Variants in STX8 observed in about 807,000 individuals in gnomAD.
The protein encoded by STX8 is syntaxin 8.
Under a neutral mutation model 37.5 loss-of-function variants are expected in STX8, and 23 were observed. That is an observed-to-expected ratio of 0.61 (90% confidence interval 0.44 to 0.87). The LOEUF (loss-of-function observed/expected upper bound fraction) is 0.87. STX8 is among the 40% of genes least tolerant of loss of function. STX8 has a pLI of 0.00. For synonymous variants in STX8, 115 were observed against 99.1 expected (o/e 1.16, Z -0.95); for missense variants, 313 against 284.7 (o/e 1.10, Z -0.71).
chr17:9,280,081 C>T (rs1255997941), intron 7 of STX8, among the ~76,000 whole-genome samples: 3 of 152,036 alleles, frequency 2.0e-5, no homozygotes, highest in Non-Finnish European at 2.9e-5. Context: ...ATCAGCCAGG[C>T]GTGGTGGTGC....
chr17:9,322,401 G>A (rs1288437817), intron 7 of STX8, among the ~76,000 whole-genome samples: 1 of 152,228 alleles, frequency 6.6e-6, no homozygotes, highest in Non-Finnish European at 1.5e-5. Context: ...GAATGAAAGA[G>A]GAGCTGTCAC....
intron 7 of STX8, among the ~76,000 whole-genome samples, chr17:9,351,210 C>T (rs1910697645): frequency 8.7e-6 from 1 of 115,174 alleles, no homozygotes; most frequent in Non-Finnish European, 1.6e-5. Flanking sequence ...GAGACGGAGT[C>T]TCACACTGTC....
At chr17:9,411,455 T>C (rs1912975802) in intron 6 of STX8, among the ~76,000 whole-genome samples, 1 of 152,232 alleles carries the variant, frequency 6.6e-6, no homozygotes, top group African/African-American at 2.4e-5. Context: ...ACGAATGTTC[T>C]CAACACCAGG....
At chr17:9,418,359 A>G (rs1326932873) in intron 6 of STX8, among the ~76,000 whole-genome samples, 1 of 152,138 alleles carries the variant, frequency 6.6e-6, no homozygotes, top group Non-Finnish European at 1.5e-5. Flanking sequence ...AGGCAGTGAA[A>G]GTCGAAAACT....
intron 5 of STX8, among the ~76,000 whole-genome samples, chr17:9,500,355 C>T (rs1364464328): frequency 6.6e-6 from 1 of 152,150 alleles, no homozygotes; most frequent in Non-Finnish European, 1.5e-5. Context: ...CCCTGAGAGA[C>T]GGGAAACAAA....
intron 7 of STX8, among the ~76,000 whole-genome samples, chr17:9,326,125 T>C (rs887403964): frequency 6.9e-6 from 1 of 145,024 alleles, no homozygotes; most frequent in Non-Finnish European, 1.5e-5. Flanking sequence ...TTCTTCCCTG[T>C]TTCCTTTTTT....
intron 7 of STX8, among the ~76,000 whole-genome samples, chr17:9,312,014 A>AT (rs1909208832): frequency 6.6e-6 from 1 of 150,720 alleles, no homozygotes; most frequent in Non-Finnish European, 1.5e-5. Context: ...TGCCCAGCTA[A>AT]TTTTTTGTAT....
At chr17:9,550,901 C>G (rs2151913662) in intron 3 of STX8, among the ~76,000 whole-genome samples, 1 of 152,226 alleles carries the variant, frequency 6.6e-6, no homozygotes. Context: ...ATGGCAAAAC[C>G]CCATCTCTAC....
At chr17:9,376,995 T>C (rs1165381963) in intron 7 of STX8, among the ~76,000 whole-genome samples, 1 of 152,094 alleles carries the variant, frequency 6.6e-6, no homozygotes. Flanking sequence ...CAGGGCAGGA[T>C]GGTCGGGCAG....
At chr17:9,404,850 C>G (rs1267564451) in intron 6 of STX8, among the ~76,000 whole-genome samples, 1 of 152,210 alleles carries the variant, frequency 6.6e-6, no homozygotes, top group East Asian at 1.9e-4. Flanking sequence ...TCCTCGTTGT[C>G]TGGCACTGGT....
At chr17:9,331,203 G>A (rs991925367) in intron 7 of STX8, among the ~76,000 whole-genome samples, 7 of 152,114 alleles carry the variant, frequency 4.6e-5, no homozygotes, top group African/African-American at 1.2e-4. Flanking sequence ...GATACGCTAC[G>A]AAACCAGCAT....
intron 6 of STX8, among the ~76,000 whole-genome samples, chr17:9,444,443 T>C (rs1205697914): frequency 6.6e-6 from 1 of 152,208 alleles, no homozygotes. Flanking sequence ...TAGCGCTGAT[T>C]TGGTGGAATT....
At chr17:9,475,810 C>T (rs1906077814) in intron 6 of STX8, among the ~76,000 whole-genome samples, 2 of 152,212 alleles carry the variant, frequency 1.3e-5, no homozygotes. Context: ...TGCCGACTGG[C>T]ATATCTTGCC....
rs1905471088 is a variant in STX8, at chr17:9,463,307, G to A, written c.541+28522C>T. Among the ~76,000 whole-genome samples, 3 of 152,160 alleles carry A rather than the reference G, an allele frequency of 2.0e-5. 1 individual carries two copies. Among genetic ancestry groups the A allele is most frequent in the Non-Finnish European group, 4.4e-5 (3 of 68,028 alleles). ...ATTTACGTAAATACAATACTTTATA[G>A]TACTTTCCTGGAACAGAGTGAGCAC... On this transcript the variant is annotated intron_variant, in intron 6 of 7. Transcript: ENST00000306357.
intron 4 of STX8, 59 bp downstream of exon 4, chr17:9,545,113 T>C (rs1906448345): frequency 9.4e-7 from 1 of 1,058,942 alleles, no homozygotes; most frequent in Non-Finnish European, 1.5e-6. Flanking sequence ...GAAACAGCTG[T>C]AGTATCTGCA....
chr17:9,447,848 T>C (rs536611149), intron 6 of STX8, among the ~76,000 whole-genome samples: 1 of 152,310 alleles, frequency 6.6e-6, no homozygotes, highest in Non-Finnish European at 1.5e-5. Flanking sequence ...TTACAGATCA[T>C]TTCAACTGAA....
chr17:9,436,927 C>A (rs371608983), intron 6 of STX8, among the ~76,000 whole-genome samples: 1 of 152,274 alleles, frequency 6.6e-6, no homozygotes, highest in East Asian at 1.9e-4. Context: ...CTTTTCCAGC[C>A]AAGCTGATTT....
At chr17:9,404,229 T>C (rs72816172) in intron 6 of STX8, among the ~76,000 whole-genome samples, 34,182 of 151,936 alleles carry the variant, frequency 0.22, 4,297 homozygotes, top group South Asian at 0.39. Context: ...GGGTTGGTCT[T>C]GCTGTCTCAG....
chr17:9,256,282 G>A (rs1020201273), intron 7 of STX8, among the ~76,000 whole-genome samples: 2 of 152,214 alleles, frequency 1.3e-5, no homozygotes, highest in Admixed American at 6.5e-5. Context: ...CTTGAGTGGA[G>A]GCATCCTGAT....
Sources: gnomAD v4.1 joint callset for allele counts (sites outside exome capture counted in the v4.1 genomes callset) on GRCh38, gnomAD v4.1.1 for gene constraint, MANE v1.5 for transcripts, NCBI Gene and HGNC (gene_info 2026-07-23, HGNC 2026-07-21) for gene names.